Variants in CRISPLD2 observed in about 807,000 individuals in gnomAD.
CRISPLD2 encodes the protein cysteine rich secretory protein LCCL domain containing 2.
In CRISPLD2, 47 loss-of-function variants were observed where a neutral mutation model predicts 71.1. The observed-to-expected ratio is 0.66, with a 90% CI of 0.52 to 0.84. CRISPLD2 has a LOEUF of 0.84. CRISPLD2 is among the 40% of genes least tolerant of loss of function. The pLI is 0.00. For missense variants in CRISPLD2, 830 were observed against 651.1 expected, an observed-to-expected ratio of 1.27 and a Z score of -2.99; for synonymous variants, 317 against 250.1, an observed-to-expected ratio of 1.27 and a Z score of -2.52.
chr16:84,877,246 C>G (rs571713723), intron 11 of CRISPLD2, among the ~76,000 whole-genome samples, 192 bp from the exon 12 acceptor site: 1 of 152,136 alleles, frequency 6.6e-6, no homozygotes, highest in African/African-American at 2.4e-5. Flanking sequence ...ACATGCAGGC[C>G]GTGGGTTTGG....
At chr16:84,881,752 A>T (rs2071570439) in intron 13 of CRISPLD2, among the ~76,000 whole-genome samples, 1 of 152,086 alleles carries the variant, frequency 6.6e-6, no homozygotes, top group African/African-American at 2.4e-5. Context: ...CTGGGATTAT[A>T]GGGGTGAGCC....
chr16:84,872,955 A>T (rs1229745606), intron 9 of CRISPLD2, 37 bp from the exon 10 acceptor site: 1 of 1,578,334 alleles, frequency 6.3e-7, no homozygotes, highest in African/African-American at 1.4e-5. Flanking sequence ...ACAGAGGTTG[A>T]GAATGTGCCT....
chr16:84,880,085 C>T (rs2071555153), intron 12 of CRISPLD2, among the ~76,000 whole-genome samples: 1 of 152,116 alleles, frequency 6.6e-6, no homozygotes, highest in Non-Finnish European at 1.5e-5. Flanking sequence ...AGGTGAGGGC[C>T]CTCCACCCTT....
At chr16:84,829,936 G>T (rs974934296) in intron 1 of CRISPLD2, among the ~76,000 whole-genome samples, 2 of 152,212 alleles carry the variant, frequency 1.3e-5, no homozygotes, top group Admixed American at 1.3e-4. Context: ...ACATTTGCTG[G>T]GGGCATAAAG....
chr16:84,843,782 C>G (rs1916838454), intron 2 of CRISPLD2, among the ~76,000 whole-genome samples: 1 of 152,162 alleles, frequency 6.6e-6, no homozygotes, highest in African/African-American at 2.4e-5. Flanking sequence ...CAGGAAGAGC[C>G]CCCTTAGTAG....
chr16:84,824,876 G>A (rs142311073), intron 1 of CRISPLD2, among the ~76,000 whole-genome samples: 60 of 152,062 alleles, frequency 3.9e-4, no homozygotes, highest in East Asian at 1.4e-3. Context: ...AGGCTGAGAC[G>A]GTGGATCACC....
At chr16:84,837,988 G>A (rs1435728083) in intron 1 of CRISPLD2, among the ~76,000 whole-genome samples, 1 of 152,196 alleles carries the variant, frequency 6.6e-6, no homozygotes. Context: ...ACTTCACAGG[G>A]ACTAGAAGTT....
intron 1 of CRISPLD2, among the ~76,000 whole-genome samples, chr16:84,837,459 C>A (rs1207388382): frequency 6.7e-6 from 1 of 150,274 alleles, no homozygotes; most frequent in African/African-American, 2.5e-5. Flanking sequence ...CTCTGTCGCC[C>A]AGGCTAGTGT....
intron 3 of CRISPLD2, chr16:84,849,088 C>T (rs921340828): frequency 8.9e-5 from 27 of 302,880 alleles, no homozygotes; most frequent in African/African-American, 5.2e-4. Context: ...CTAGAGACCC[C>T]AGGTGAGCTC....
intron 1 of CRISPLD2, among the ~76,000 whole-genome samples, chr16:84,825,770 TAAATAA>T: frequency 6.6e-6 from 1 of 150,600 alleles, no homozygotes; most frequent in African/African-American, 2.4e-5. Context: ...AATAAATAAA[TAAATAA>T]AAATAAATAC....
At chr16:84,882,803 C>G (rs912247344) in intron 13 of CRISPLD2, among the ~76,000 whole-genome samples, 5 of 152,186 alleles carry the variant, frequency 3.3e-5, no homozygotes, top group African/African-American at 1.2e-4. Context: ...AGGAAGAAAA[C>G]AAGGCTCATA....
chr16:84,880,755 G>A (rs2071561455), intron 13 of CRISPLD2, 171 bp downstream of exon 13: 1 of 493,510 alleles, frequency 2.0e-6, no homozygotes, highest in Admixed American at 3.2e-5. Flanking sequence ...GCCCAGGCTG[G>A]AGTACAGTGG....
At chr16:84,893,025 C>T (rs148021289) in intron 14 of CRISPLD2, among the ~76,000 whole-genome samples, 36 of 150,592 alleles carry the variant, frequency 2.4e-4, no homozygotes, top group African/African-American at 8.6e-4. Flanking sequence ...ATATTCATCA[C>T]GCACCTGTGC....
chr16:84,825,490 G>A (rs913097747), intron 1 of CRISPLD2, among the ~76,000 whole-genome samples: 12 of 152,216 alleles, frequency 7.9e-5, no homozygotes, highest in East Asian at 7.7e-4. Flanking sequence ...GCGCAGTGGC[G>A]TACACCTATA....
At chr16:84,891,824 C>A (rs2071665502) in intron 14 of CRISPLD2, among the ~76,000 whole-genome samples, 2 of 152,116 alleles carry the variant, frequency 1.3e-5, no homozygotes, top group South Asian at 4.1e-4. Flanking sequence ...CCCACTATCA[C>A]CCAGGGTGTG....
rs756045553 is a variant in CRISPLD2 at position 84,849,399 on chromosome 16, G to T, written c.374G>T (p.Gly125Val). 6.2e-7 allele frequency: 1 copy of T among 1,613,702 alleles called. No homozygotes were observed. Among genetic ancestry groups the T allele is most frequent in the Non-Finnish European group, 8.5e-7 (1 of 1,179,692 alleles). Reference protein sequence around the residue: ...GAHWGRYRSPGFHVQSWYDEV... With the variant: ...GAHWGRYRSPVFHVQSWYDEV... ...CTGCCCTGCAGGTATCGCTCTCCGGGGTTCCATGTGCAGTCCTGGTATGAC... is the reference window on the plus strand; with the variant it reads ...CTGCCCTGCAGGTATCGCTCTCCGGTGTTCCATGTGCAGTCCTGGTATGAC... The change falls in exon 4 of 15, where the codon GGG becomes GTG. Residue 125 changes from glycine (G) to valine (V), a missense_variant. Coordinates refer to ENST00000262424, the MANE Select transcript of CRISPLD2 (RefSeq NM_031476.4).
intron 13 of CRISPLD2, among the ~76,000 whole-genome samples, chr16:84,883,490 T>A (rs2071585799): frequency 1.3e-5 from 2 of 152,210 alleles, no homozygotes; most frequent in Admixed American, 1.3e-4. Context: ...AACCTCAGTC[T>A]TCTGTCCTCC....
intron 2 of CRISPLD2, among the ~76,000 whole-genome samples, chr16:84,841,679 C>T (rs1318985550): frequency 6.6e-6 from 1 of 151,854 alleles, no homozygotes; most frequent in Non-Finnish European, 1.5e-5. Flanking sequence ...CACTGCAACC[C>T]CCGACCCCTG....
Position 84,845,614 on chromosome 16 carries a change from G to A in CRISPLD2, c.241-172G>A, listed in dbSNP as rs573431426. Among the ~76,000 whole-genome samples, 4 of 152,370 alleles carry A rather than the reference G, an allele frequency of 2.6e-5. No individual in the cohort carries two copies. In the East Asian group the frequency reaches 5.8e-4, roughly 22 times the overall value. The stretch of plus-strand genomic sequence containing the variant: ...GAGGCCTGAGGATAGGCTTGGAGCC[G>A]GCACGTCTGGCCTGCCACGCCCCCC... On this transcript the variant is annotated intron_variant, in intron 2 of 14. Transcript: ENST00000262424.
Sources: allele counts gnomAD v4.1 joint callset (sites outside exome capture counted in the v4.1 genomes callset), GRCh38; gene constraint gnomAD v4.1.1; transcripts MANE v1.5; gene names NCBI Gene and HGNC (gene_info 2026-07-23, HGNC 2026-07-21).